Variants in ADGRL2 observed in about 807,000 individuals in gnomAD.
ADGRL2 encodes calcium-independent alpha-latrotoxin receptor 2.
In ADGRL2, 44 loss-of-function variants were observed where a neutral mutation model predicts 157.4. The ratio of observed to expected loss-of-function variants is 0.28; its 90% confidence interval spans 0.22 to 0.36. The LOEUF (loss-of-function observed/expected upper bound fraction) is 0.36, where lower values mean the gene tolerates loss of function less well. ADGRL2 is among the 10% of genes least tolerant of loss of function. The pLI is 1.00. For missense variants in ADGRL2, 1,510 were observed against 1,768.9 expected, an observed-to-expected ratio of 0.85 and a Z score of 2.63; for synonymous variants, 585 against 624.7, an observed-to-expected ratio of 0.94 and a Z score of 0.95.
At chr1:81,778,035 C>A (rs1435454077) in intron 2 of ADGRL2, among the ~76,000 whole-genome samples, 2 of 151,498 alleles carry the variant, frequency 1.3e-5, no homozygotes, top group Admixed American at 6.6e-5. Context: ...AAATACTATG[C>A]CTAGGTCAGG....
In ADGRL2 at chr1:81,508,589, A is replaced by G. The variant is rs72715569; in HGVS notation, c.-248+63500A>G. 1.2e-3 allele frequency among the ~76,000 whole-genome samples: 179 copies of G among 152,346 alleles called. 1 individual carries two copies. Among genetic ancestry groups the G allele is most frequent in the Non-Finnish European group, 1.8e-3 (120 of 68,038 alleles). On this transcript the variant is annotated intron_variant, in intron 2 of 24. Transcript: ENST00000370721. ...ACTTCACTAACAAACACAAGTTGAA[A>G]GAGAAAATGATTAAGGATTTCAAGG...
At chr1:81,781,899 T>G (rs563137139) in intron 2 of ADGRL2, among the ~76,000 whole-genome samples, 2 of 152,188 alleles carry the variant, frequency 1.3e-5, no homozygotes, top group Admixed American at 6.5e-5. Context: ...TTTGCACATA[T>G]AGGCTCTCCC....
chr1:81,326,858 A>G (rs1343424079), intron 1 of ADGRL2, among the ~76,000 whole-genome samples: 1 of 152,240 alleles, frequency 6.6e-6, no homozygotes, highest in Non-Finnish European at 1.5e-5. Flanking sequence ...TAAATCAGCT[A>G]GGAGATAAAC....
intron 1 of ADGRL2, among the ~76,000 whole-genome samples, chr1:81,394,870 G>T (rs1162710715): frequency 1.3e-5 from 2 of 150,848 alleles, no homozygotes; most frequent in African/African-American, 2.4e-5. Context: ...GTTATATTTT[G>T]TCTCTCTTTT....
chr1:81,708,661 C>T (rs2083822476), intron 1 of ADGRL2, among the ~76,000 whole-genome samples: 2 of 134,458 alleles, frequency 1.5e-5, no homozygotes, highest in Admixed American at 8.0e-5. Flanking sequence ...TATATACACA[C>T]ACACATATAT....
chr1:81,564,393 A>G (rs2080512943), intron 2 of ADGRL2, among the ~76,000 whole-genome samples: 1 of 152,198 alleles, frequency 6.6e-6, no homozygotes, highest in South Asian at 2.1e-4. Flanking sequence ...GTTAGACCGG[A>G]GGAGGATCCA....
intron 1 of ADGRL2, among the ~76,000 whole-genome samples, chr1:81,414,884 A>G (rs2077007444): frequency 6.6e-6 from 1 of 152,186 alleles, no homozygotes; most frequent in Admixed American, 6.5e-5. Context: ...TTGCAAAGGA[A>G]AATCTTTTGT....
At chr1:81,908,651 A>C (rs2094638609) in intron 3 of ADGRL2, among the ~76,000 whole-genome samples, 1 of 152,140 alleles carries the variant, frequency 6.6e-6, no homozygotes, top group Non-Finnish European at 1.5e-5. Flanking sequence ...GTTTAGCTCA[A>C]AGTGGCTATA....
intron 3 of ADGRL2, among the ~76,000 whole-genome samples, chr1:81,645,649 T>C (rs940666540): frequency 2.0e-5 from 3 of 152,146 alleles, no homozygotes; most frequent in African/African-American, 7.2e-5. Flanking sequence ...TCACAATAGT[T>C]ATTAGCTATC....
chr1:81,682,185 T>A (rs761140690), intron 3 of ADGRL2, among the ~76,000 whole-genome samples: 3 of 151,746 alleles, frequency 2.0e-5, no homozygotes, highest in Non-Finnish European at 2.9e-5. Context: ...GGAAGGAAGC[T>A]GTTGCTGGAA....
intron 1 of ADGRL2, among the ~76,000 whole-genome samples, chr1:81,828,262 T>G (rs1008379939): frequency 6.6e-6 from 1 of 152,216 alleles, no homozygotes; most frequent in Admixed American, 6.5e-5. Flanking sequence ...TGGTCCTCCA[T>G]AGAAAGAGTT....
intron 2 of ADGRL2, among the ~76,000 whole-genome samples, chr1:81,882,270 T>C (rs941795548): frequency 1.3e-5 from 2 of 152,200 alleles, no homozygotes; most frequent in African/African-American, 4.8e-5. Context: ...AGAGATATGC[T>C]TTCTGGCAGA....
chr1:81,580,359 G>A (rs2080882605), intron 2 of ADGRL2, among the ~76,000 whole-genome samples: 1 of 152,058 alleles, frequency 6.6e-6, no homozygotes, highest in East Asian at 1.9e-4. Context: ...GTGTCTCGGG[G>A]GCTGCCTGTG....
At chr1:81,949,584 C>T (rs1651072318) in intron 6 of ADGRL2, among the ~76,000 whole-genome samples, 1 of 152,134 alleles carries the variant, frequency 6.6e-6, no homozygotes, top group Non-Finnish European at 1.5e-5. Flanking sequence ...ATGCCGAAGC[C>T]TGAGATGTTT....
At chr1:81,717,790 G>A (rs975822216) in intron 1 of ADGRL2, among the ~76,000 whole-genome samples, 1 of 152,106 alleles carries the variant, frequency 6.6e-6, no homozygotes, top group African/African-American at 2.4e-5. Context: ...AATACATTTT[G>A]TACATTGTGC....
intron 3 of ADGRL2, among the ~76,000 whole-genome samples, chr1:81,639,445 C>A (rs2082174818): frequency 6.9e-6 from 1 of 145,702 alleles, no homozygotes; most frequent in African/African-American, 2.5e-5. Flanking sequence ...GGCTCATGCC[C>A]ATAATCCTAA....
At chr1:81,951,884 G>C in intron 8 of ADGRL2, 73 bp from the exon 9 acceptor site, 1 of 1,201,648 alleles carries the variant, frequency 8.3e-7, no homozygotes, top group Admixed American at 2.4e-5. Context: ...CCACAATAAA[G>C]ATACTCAAGG....
intron 2 of ADGRL2, among the ~76,000 whole-genome samples, chr1:81,481,846 T>C (rs1218138129): frequency 6.6e-6 from 1 of 152,180 alleles, no homozygotes; most frequent in African/African-American, 2.4e-5. Context: ...TCCTTAAATA[T>C]GTAGCCCTTC....
intron 1 of ADGRL2, among the ~76,000 whole-genome samples, chr1:81,755,138 A>G (rs1263422485): frequency 8.3e-6 from 1 of 119,928 alleles, no homozygotes; most frequent in Non-Finnish European, 1.7e-5. Flanking sequence ...TTAAAGATAT[A>G]TATATGTGTT....
Sources: allele counts gnomAD v4.1 joint callset (sites outside exome capture counted in the v4.1 genomes callset), GRCh38; gene constraint gnomAD v4.1.1; transcripts MANE v1.5; gene names NCBI Gene and HGNC (gene_info 2026-07-23, HGNC 2026-07-21).